Variants in PIP5K1B observed in about 807,000 individuals in gnomAD.
PIP5K1B encodes phosphatidylinositol-4-phosphate 5-kinase type 1 beta.
In PIP5K1B, 42 loss-of-function variants were observed where a neutral mutation model predicts 67.0. The observed-to-expected ratio is 0.63, with a 90% CI of 0.49 to 0.81. PIP5K1B has a LOEUF of 0.81. Among genes scored for constraint, PIP5K1B ranks in the 30% least tolerant of loss-of-function variants. PIP5K1B has a pLI of 0.00. For synonymous variants in PIP5K1B, 214 were observed against 231.4 expected (o/e 0.92, Z 0.68); for missense variants, 459 against 646.3 (o/e 0.71, Z 3.14).
chr9:68,862,909 G>A (rs1167686848), intron 4 of PIP5K1B, among the ~76,000 whole-genome samples: 1 of 151,856 alleles, frequency 6.6e-6, no homozygotes, highest in Non-Finnish European at 1.5e-5. Flanking sequence ...ATAGACAGGT[G>A]TTCTCTGGTG....
intron 2 of PIP5K1B, among the ~76,000 whole-genome samples, chr9:68,802,708 A>G (rs1379026482): frequency 2.5e-4 from 38 of 152,314 alleles, no homozygotes; most frequent in South Asian, 2.1e-4. Context: ...TGTGCCAGGC[A>G]TTGAAGTGTG....
chr9:68,814,944 A>G lies in PIP5K1B; in HGVS notation c.-85-3517A>G, dbSNP rs139117269. Reference sequence around the variant, plus strand: ...GAATCTGCATTTTTCTCTTTTGTCTATAGAAGGTTTACAAAAATCTATTTC... The same window carrying G: ...GAATCTGCATTTTTCTCTTTTGTCTGTAGAAGGTTTACAAAAATCTATTTC... On this transcript the variant is annotated intron_variant, in intron 2 of 15. Coordinates refer to ENST00000265382, the MANE Select transcript of PIP5K1B (RefSeq NM_003558.4). Among the ~76,000 whole-genome samples, 1,365 of 152,342 alleles carry G rather than the reference A, an allele frequency of 9.0e-3. 8 individuals carry two copies. The highest frequency in any genetic ancestry group is 0.034 in the Middle Eastern group (10 of 294).
intron 6 of PIP5K1B, among the ~76,000 whole-genome samples, chr9:68,881,556 G>A (rs1322023723): frequency 6.6e-6 from 1 of 152,196 alleles, no homozygotes; most frequent in Non-Finnish European, 1.5e-5. Context: ...CCTGCGATAT[G>A]TGTGTATTTC....
At chr9:68,759,299 A>G (rs1830079430) in intron 2 of PIP5K1B, among the ~76,000 whole-genome samples, 1 of 152,176 alleles carries the variant, frequency 6.6e-6, no homozygotes, top group South Asian at 2.1e-4. Flanking sequence ...TATGACAACT[A>G]TAGCATAAAG....
At chr9:68,952,229 T>C (rs1828115873) in intron 14 of PIP5K1B, among the ~76,000 whole-genome samples, 1 of 152,246 alleles carries the variant, frequency 6.6e-6, no homozygotes, top group Non-Finnish European at 1.5e-5. Context: ...TTTTCCTTAA[T>C]AGAACCCTAA....
At chr9:68,818,754 A>G (rs17057813) in intron 3 of PIP5K1B, among the ~76,000 whole-genome samples, 4,278 of 152,212 alleles carry the variant, frequency 0.028, 212 homozygotes, top group African/African-American at 0.096. Context: ...TAAAAAAAAA[A>G]CCGAGATGTG....
intron 1 of PIP5K1B, among the ~76,000 whole-genome samples, chr9:68,711,505 G>A (rs866453990): frequency 2.0e-5 from 3 of 152,226 alleles, no homozygotes; most frequent in Non-Finnish European, 2.9e-5. Context: ...GGCAGGTGGT[G>A]AGGATTTAAT....
At chr9:68,786,504 A>G (rs1013115142) in intron 2 of PIP5K1B, among the ~76,000 whole-genome samples, 13 of 151,554 alleles carry the variant, frequency 8.6e-5, no homozygotes, top group African/African-American at 3.1e-4. Flanking sequence ...ATTAACTTGA[A>G]GACCATTTCC....
At chr9:68,847,997 G>A (rs1822283916) in intron 4 of PIP5K1B, among the ~76,000 whole-genome samples, 1 of 152,186 alleles carries the variant, frequency 6.6e-6, no homozygotes, top group Non-Finnish European at 1.5e-5. Context: ...ACAGTTATGA[G>A]CATGGACTCA....
At chr9:68,868,831 A>C (rs1823483688) in intron 5 of PIP5K1B, among the ~76,000 whole-genome samples, 1 of 152,344 alleles carries the variant, frequency 6.6e-6, no homozygotes, top group East Asian at 1.9e-4. Flanking sequence ...CTTCACTTGT[A>C]AAACAGGAGT....
chr9:68,952,675 T>A (rs967655783), intron 14 of PIP5K1B, among the ~76,000 whole-genome samples: 1 of 151,752 alleles, frequency 6.6e-6, no homozygotes, highest in Admixed American at 6.6e-5. Context: ...TATTTTGGAT[T>A]TTTTTTTTCA....
intron 2 of PIP5K1B, among the ~76,000 whole-genome samples, chr9:68,758,631 A>G (rs1030161261): frequency 1.3e-5 from 2 of 152,100 alleles, no homozygotes; most frequent in African/African-American, 4.8e-5. Context: ...TGGAATAATA[A>G]TAAAAGATCT....
intron 1 of PIP5K1B, among the ~76,000 whole-genome samples, chr9:68,712,859 C>T (rs1827457351): frequency 6.6e-6 from 1 of 152,180 alleles, no homozygotes; most frequent in African/African-American, 2.4e-5. Context: ...CAAAACGTTG[C>T]TACACTGTTA....
chr9:68,879,427 G>T (rs955319590), intron 6 of PIP5K1B, among the ~76,000 whole-genome samples: 4 of 152,124 alleles, frequency 2.6e-5, no homozygotes, highest in African/African-American at 9.7e-5. Context: ...AATTAGATGG[G>T]CGTGGTGGCA....
chr9:68,971,856 G>T (rs948377247), intron 14 of PIP5K1B, among the ~76,000 whole-genome samples: 10 of 152,102 alleles, frequency 6.6e-5, no homozygotes, highest in African/African-American at 2.4e-4. Context: ...TTGTAAATTT[G>T]TTTAAGTTCC....
At chr9:68,883,167 T>A (rs1288036507) in intron 6 of PIP5K1B, among the ~76,000 whole-genome samples, 1 of 152,228 alleles carries the variant, frequency 6.6e-6, no homozygotes, top group Non-Finnish European at 1.5e-5. Flanking sequence ...AGATGCTAAA[T>A]TCCTTACTCA....
intron 14 of PIP5K1B, chr9:68,941,203 C>T: frequency 4.6e-6 from 2 of 431,242 alleles, no homozygotes; most frequent in Non-Finnish European, 9.2e-6. Context: ...TAATTGCTCC[C>T]CCAAAGCTAT....
intron 14 of PIP5K1B, among the ~76,000 whole-genome samples, chr9:68,961,261 G>T (rs892545645): frequency 2.0e-5 from 3 of 150,428 alleles, no homozygotes; most frequent in African/African-American, 7.3e-5. Context: ...TATCAAGACA[G>T]AAAGTAAGTT....
Position 68,919,543 on chromosome 9 carries a change from G to T in PIP5K1B, c.1048G>T (p.Asp350Tyr). The T allele has an allele frequency of 6.3e-7, 1 of 1,590,104 alleles. No homozygotes were observed. Among genetic ancestry groups the T allele is most frequent in the South Asian group, 1.1e-5 (1 of 88,908 alleles). ...ACTACTTTTATTTATGGGCATTATT[G>T]ACATTCTGCAATCATATAGGTAAGA... ...EKLLLFMGII[D>Y]ILQSYRLMKK... Residue 350 changes from aspartate (D) to tyrosine (Y), a missense_variant, in exon 10 of 16, where the codon GAC becomes TAC. Asp to Tyr is a radical substitution (Grantham distance 160). Transcript: ENST00000265382.
Sources: allele counts gnomAD v4.1 joint callset (sites outside exome capture counted in the v4.1 genomes callset), GRCh38; gene constraint gnomAD v4.1.1; transcripts MANE v1.5; gene names NCBI Gene and HGNC (gene_info 2026-07-23, HGNC 2026-07-21).